CHLSN: variants seen among roughly 807,000 people sequenced by gnomAD.
CHLSN encodes protein cholesin.
At chr7:1,039,694 G>A in the CHLSN span, among the ~76,000 whole-genome samples, 194 of 65,390 alleles carry the variant, frequency 3.0e-3, 25 homozygotes, top group South Asian at 0.067. Flanking sequence ...CATTGAGAAC[G>A]GGCCAGGATG....
At chr7:1,127,154 T>C in the CHLSN span, 1 of 1,379,612 alleles carries the variant, frequency 7.2e-7, no homozygotes. Flanking sequence ...TGTTCCAGGC[T>C]CTGCTCCACA....
chr7:1,110,050 C>A, the CHLSN span, among the ~76,000 whole-genome samples: 1 of 152,338 alleles, frequency 6.6e-6, no homozygotes, highest in African/African-American at 2.4e-5. Flanking sequence ...GGGCCCTCCA[C>A]GCCCAGACAC....
At chr7:984,645 TC>T in the CHLSN span, 1 of 1,499,052 alleles carries the variant, frequency 6.7e-7, no homozygotes, top group Non-Finnish European at 8.9e-7. Context: ...GGGTGGGGGC[TC>T]CAGCAGCGGG....
the CHLSN span, among the ~76,000 whole-genome samples, chr7:1,020,552 G>A: frequency 2.0e-5 from 3 of 152,216 alleles, no homozygotes; most frequent in African/African-American, 7.2e-5. Context: ...AGCGGGTTGG[G>A]GAACAGGCCA....
chr7:1,015,725 G>A, the CHLSN span, among the ~76,000 whole-genome samples: 1 of 152,204 alleles, frequency 6.6e-6, no homozygotes. Context: ...GCTGCGGCCT[G>A]TGGGCCCCTA....
the CHLSN span, among the ~76,000 whole-genome samples, chr7:1,009,384 G>A: frequency 6.6e-6 from 1 of 152,170 alleles, no homozygotes; most frequent in Non-Finnish European, 1.5e-5. Flanking sequence ...CGGGGAGGTG[G>A]CCACAGCCCG....
At chr7:1,132,407 C>A in the CHLSN span, among the ~76,000 whole-genome samples, 4 of 151,922 alleles carry the variant, frequency 2.6e-5, no homozygotes, top group Non-Finnish European at 5.9e-5. Flanking sequence ...AAAAAGAAAA[C>A]CCAGGCTAGG....
At chr7:1,018,500 G>A in the CHLSN span, among the ~76,000 whole-genome samples, 6 of 151,932 alleles carry the variant, frequency 3.9e-5, no homozygotes, top group African/African-American at 7.3e-5. Flanking sequence ...ATGGCCAGCA[G>A]GCCCAGCCTG....
At chr7:997,541 G>T in the CHLSN span, 1 of 1,242,978 alleles carries the variant, frequency 8.0e-7, no homozygotes, top group South Asian at 1.8e-5. Context: ...TGGTGAACCC[G>T]GCCCCCACCG....
chr7:1,015,969 G>C, the CHLSN span, among the ~76,000 whole-genome samples: 1 of 152,206 alleles, frequency 6.6e-6, no homozygotes, highest in African/African-American at 2.4e-5. Context: ...ACCGGCGTCT[G>C]TCTGGGCAGG....
chr7:997,829 G>C, the CHLSN span: 4 of 1,593,560 alleles, frequency 2.5e-6, no homozygotes, highest in South Asian at 4.5e-5. Flanking sequence ...GATCGAGTTG[G>C]TCAGGGGCGG....
At chr7:1,030,932 G>T in the CHLSN span, among the ~76,000 whole-genome samples, 1 of 152,182 alleles carries the variant, frequency 6.6e-6, no homozygotes, top group East Asian at 1.9e-4. Context: ...CTCCACAAAC[G>T]CACCAGTCCA....
the CHLSN span, among the ~76,000 whole-genome samples, chr7:980,869 A>G: frequency 6.6e-6 from 1 of 151,942 alleles, no homozygotes; most frequent in East Asian, 2.0e-4. Context: ...TTGTATTTTT[A>G]GTAGAGATGG....
At chr7:999,758 C>T in the CHLSN span, among the ~76,000 whole-genome samples, 6 of 152,194 alleles carry the variant, frequency 3.9e-5, no homozygotes, top group South Asian at 4.1e-4. Context: ...CCTCTAGTAA[C>T]GTGGGCGCAG....
chr7:1,070,319 C>A, the CHLSN span, among the ~76,000 whole-genome samples: 2 of 143,140 alleles, frequency 1.4e-5, no homozygotes, highest in Admixed American at 6.8e-5. Context: ...GGGGTCAGCC[C>A]CCCGCCTGGC....
chr7:1,010,205 C>G, the CHLSN span: 12 of 1,476,230 alleles, frequency 8.1e-6, no homozygotes, highest in African/African-American at 2.8e-5. Flanking sequence ...GGGTGCGCTG[C>G]CTGGGGCTTC....
At chr7:1,088,515 C>T in the CHLSN span, among the ~76,000 whole-genome samples, 6 of 152,302 alleles carry the variant, frequency 3.9e-5, no homozygotes, top group South Asian at 2.1e-4. The surrounding 1 kb of genome is among the most constrained non-coding windows in gnomAD (Gnocchi z 4.5). Context: ...GTGGTCTCAG[C>T]GTGACCGCAG....
the CHLSN span, chr7:1,093,196 C>G: frequency 1.9e-6 from 1 of 524,582 alleles, no homozygotes; most frequent in Non-Finnish European, 3.8e-6. Context: ...ATTTCTGACA[C>G]CGTCGACCAG....
the CHLSN span, among the ~76,000 whole-genome samples, chr7:1,034,142 A>G: frequency 6.6e-6 from 1 of 152,256 alleles, no homozygotes; most frequent in Non-Finnish European, 1.5e-5. Flanking sequence ...GCTCGCGGAA[A>G]CTGGCATTCC....
Sources: allele counts gnomAD v4.1 joint callset (sites outside exome capture counted in the v4.1 genomes callset), GRCh38; gene constraint gnomAD v4.1.1; non-coding constraint Gnocchi (gnomAD v3.1); transcripts MANE v1.5; gene names NCBI Gene and HGNC (gene_info 2026-07-23, HGNC 2026-07-21).